CCDC66: variants seen among roughly 807,000 people sequenced by gnomAD.
The protein encoded by CCDC66 is coiled-coil domain-containing protein 66.
In CCDC66, 133 loss-of-function variants were observed where a neutral mutation model predicts 128.3. The ratio of observed to expected loss-of-function variants is 1.04; its 90% CI spans 0.90 to 1.20. The LOEUF is 1.20. CCDC66 is among the 50% of genes most tolerant of loss of function. CCDC66 has a pLI of 0.00. For missense variants in CCDC66, 1,126 were observed against 1,075.5 expected, an observed-to-expected ratio of 1.05 and a Z score of -0.66; for synonymous variants, 387 against 357.0, an observed-to-expected ratio of 1.08 and a Z score of -0.95.
At chr3:56,584,716 G>A (rs999011832) in intron 7 of CCDC66, among the ~76,000 whole-genome samples, 5 of 151,884 alleles carry the variant, frequency 3.3e-5, no homozygotes, top group Admixed American at 6.6e-5. Context: ...CTGCAATCTC[G>A]GCACTTTGGG....
At chr3:56,559,802 A>G (rs1401053499) in intron 3 of CCDC66, among the ~76,000 whole-genome samples, 3 of 152,236 alleles carry the variant, frequency 2.0e-5, no homozygotes, top group Non-Finnish European at 2.9e-5. Context: ...CTTTCTCTAG[A>G]TAAGTGCTAT....
intron 7 of CCDC66, among the ~76,000 whole-genome samples, chr3:56,582,668 A>G (rs1577488997): frequency 6.6e-6 from 1 of 151,550 alleles, no homozygotes; most frequent in South Asian, 2.1e-4. Flanking sequence ...AGTGTTTTTT[A>G]GAATCTTAGT....
chr3:56,607,624 C>G (rs997839427), intron 10 of CCDC66, among the ~76,000 whole-genome samples: 3 of 152,072 alleles, frequency 2.0e-5, no homozygotes, highest in Non-Finnish European at 2.9e-5. Flanking sequence ...TTTGGATGCC[C>G]TTTATTTATT....
rs768623977 is a variant in CCDC66, at chr3:56,558,896, T to G, written c.62T>G (p.Ile21Arg). 2 of 1,547,500 alleles carry G rather than the reference T, an allele frequency of 1.3e-6. No individual in the cohort carries two copies. The highest frequency in any genetic ancestry group is 1.4e-5 in the African/African-American group (1 of 72,972). The stretch of plus-strand genomic sequence containing the variant: ...TTACTGGATGGAAAAACCAAGCTAA[T>G]ATTGTCTCCATATGGTATGTTGTGT... The part of the protein sequence containing the change: ...TELLDGKTKL[I>R]LSPYEHKSKI... Residue 21 changes from isoleucine to arginine, a missense_variant, in exon 2 of 18, where the codon ATA becomes AGA. Ile to Arg is a moderately conservative substitution (Grantham distance 97). Coordinates refer to ENST00000394672, the MANE Select transcript of CCDC66 (RefSeq NM_001141947.3).
chr3:56,602,012 T>C (rs2073253033), intron 10 of CCDC66, among the ~76,000 whole-genome samples: 1 of 152,098 alleles, frequency 6.6e-6, no homozygotes, highest in Admixed American at 6.6e-5. Context: ...CTATGTTGAA[T>C]AGGAGTGGAG....
rs147859196 is a variant in CCDC66, at chr3:56,593,076, T to C, written c.1043T>C (p.Ile348Thr). ...ATAGAAGATGACCGTCAAAGAAAAA[T>C]AGAGGAAAAAATTATATATTCAAAG... ...KQIEDDRQRK[I>T]EEKIIYSKGE... The change falls in exon 8 of 18, where the codon ATA (isoleucine) becomes ACA (threonine). Residue 348 changes from isoleucine to threonine, a missense_variant. Ile to Thr is a moderately conservative substitution (Grantham distance 89, BLOSUM62 -1). Coordinates refer to ENST00000394672, the MANE Select transcript of CCDC66 (RefSeq NM_001141947.3). 8.8e-6 allele frequency: 14 copies of C among 1,599,628 alleles called. No homozygotes were observed. Among genetic ancestry groups the C allele is most frequent in the African/African-American group, 1.3e-5 (1 of 74,358 alleles).
At chr3:56,558,972 A>T in intron 2 of CCDC66, 62 bp downstream of exon 2, 3 of 1,181,884 alleles carry the variant, frequency 2.5e-6, no homozygotes. Context: ...AATTTATATT[A>T]GTTCAACAGA....
Position 56,571,145 on chromosome 3 carries a change from T to C in CCDC66, c.815-36T>C, listed in dbSNP as rs550161673. 42 of 1,427,200 alleles carry C rather than the reference T, an allele frequency of 2.9e-5. No individual in the cohort carries two copies. In the East Asian group the frequency reaches 7.1e-4, roughly 24 times the overall value. The allele number at this position is 1,427,200 out of a possible 1,614,324, so 88.4% of individuals were successfully genotyped here. On this transcript the variant is annotated intron_variant, in intron 6 of 17. Transcript: ENST00000394672. ...GTTTACATGGTTCTGTTTTTACAGT[T>C]TTTGTACATTTTTTTAAAAAGGACA...
chr3:56,559,023 GA>G, intron 2 of CCDC66, 113 bp downstream of exon 2: 1 of 777,644 alleles, frequency 1.3e-6, no homozygotes. Flanking sequence ...TGATATTTTA[GA>G]AAAAGCTGTT....
chr3:56,613,334 A>G (rs746207858), intron 10 of CCDC66, among the ~76,000 whole-genome samples: 91 of 152,162 alleles, frequency 6.0e-4, no homozygotes, highest in South Asian at 1.0e-3. Flanking sequence ...TCCTCCAATT[A>G]GGCAGCCTCT....
At chr3:56,611,726 TG>T (rs2074855363) in intron 10 of CCDC66, among the ~76,000 whole-genome samples, 1 of 152,064 alleles carries the variant, frequency 6.6e-6, no homozygotes. Flanking sequence ...ATGGGATCCT[TG>T]GGGATCCCAC....
In CCDC66 at chr3:56,564,023, A is replaced by G. The variant is rs763763362; in HGVS notation, c.442A>G (p.Ser148Gly). ...KHITAENMKS[S>G]LVCLTQDQLQ... is the part of the protein sequence containing the mutation. ...CATCACAGCTGAAAACATGAAGAGC[A>G]GTTTGGTGTGTCTAACACAAGACCA... Residue 148 changes from serine (S) to glycine (G), a missense_variant, in exon 4 of 18, where the codon AGT (serine) becomes GGT (glycine). Coordinates refer to ENST00000394672, the MANE Select transcript of CCDC66 (RefSeq NM_001141947.3). 104 of 1,613,936 alleles carry G rather than the reference A, an allele frequency of 6.4e-5. No homozygotes were observed. The highest frequency in any genetic ancestry group is 8.6e-5 in the Non-Finnish European group (102 of 1,179,946).
In CCDC66 at chr3:56,615,924, GATACA is replaced by G. The variant is rs1227764908; in HGVS notation, c.1721_1725del (p.Ile574AsnfsTer4). ...ATCAGGTGATTTCTCTTTGCCAGTT[GATACA>G]ATACAAATGGAATATAATGCATCTA... On this transcript the variant is annotated frameshift_variant, in exon 13 of 18. Transcript: ENST00000394672. LOFTEE classifies it high-confidence loss of function. 3.1e-6 allele frequency: 5 copies of G among 1,590,436 alleles called. No homozygotes were observed. Among genetic ancestry groups the G allele is most frequent in the African/African-American group, 1.4e-5 (1 of 73,994 alleles).
chr3:56,619,960 G>A, intron 17 of CCDC66, 59 bp downstream of exon 17: 3 of 1,546,298 alleles, frequency 1.9e-6, no homozygotes, highest in Non-Finnish European at 1.7e-6. Flanking sequence ...GCGGTTGGGG[G>A]AACCTGTTGA....
At position 56,621,760 on chromosome 3, in the gene CCDC66, A is replaced by G; in HGVS notation, c.*142A>G. ...TTAAAAACTTGTATACTATGTAGTA[A>G]AATGCTGTACTTGTTCTATACAATA... On this transcript the variant is annotated 3_prime_UTR_variant, in exon 18 of 18. Coordinates refer to ENST00000394672, the MANE Select transcript of CCDC66 (RefSeq NM_001141947.3). 2.1e-6 allele frequency: 1 copy of G among 478,488 alleles called. No individual in the cohort carries two copies. The highest frequency in any genetic ancestry group is 3.3e-5 in the East Asian group (1 of 30,098). The allele number at this position is 478,488 out of a possible 1,614,324, so 29.6% of individuals were successfully genotyped here.
At chr3:56,620,100 G>GTTCT (rs2076188096) in intron 17 of CCDC66, 199 bp downstream of exon 17, 1 of 408,354 alleles carries the variant, frequency 2.4e-6, no homozygotes, top group Non-Finnish European at 4.3e-6. Context: ...TCTTTGAGTA[G>GTTCT]TTCTTTCCAG....
At chr3:56,604,762 G>A (rs1173892325) in intron 10 of CCDC66, among the ~76,000 whole-genome samples, 1 of 151,822 alleles carries the variant, frequency 6.6e-6, no homozygotes, top group African/African-American at 2.4e-5. Flanking sequence ...ATGTGTCTTT[G>A]GGTTGCTCTT....
At chr3:56,605,516 TAGTC>T (rs1356982937) in intron 10 of CCDC66, among the ~76,000 whole-genome samples, 2 of 152,084 alleles carry the variant, frequency 1.3e-5, no homozygotes, top group Admixed American at 6.5e-5. Flanking sequence ...TTCCTTCTAA[TAGTC>T]AGGCCCCTCT....
Position 56,566,973 on chromosome 3 carries a change from A to G in CCDC66, c.734A>G (p.Asp245Gly). The change falls in exon 6 of 18, where the codon GAT becomes GGT. Residue 245 changes from aspartate (D) to glycine (G), a missense_variant. Asp to Gly is a moderately conservative substitution (Grantham distance 94). Coordinates refer to ENST00000394672, the MANE Select transcript of CCDC66 (RefSeq NM_001141947.3). ...IAIENEWKPADIFSTLGEREC... is the reference protein window; with the variant it reads ...IAIENEWKPAGIFSTLGEREC... ...AGAGAGAATGAATGGAAACCAGCTG[A>G]TATATTCAGTACTCTGGGGGAAAGG... The G allele has an allele frequency of 4.3e-6, 7 of 1,613,976 alleles. No homozygotes were observed. The highest frequency in any genetic ancestry group is 5.9e-6 in the Non-Finnish European group (7 of 1,179,894).
Sources: gnomAD v4.1 joint callset for allele counts (sites outside exome capture counted in the v4.1 genomes callset) on GRCh38, gnomAD v4.1.1 for gene constraint, MANE v1.5 for transcripts, NCBI Gene and HGNC (gene_info 2026-07-23, HGNC 2026-07-21) for gene names.